FOXO3B: variants seen among roughly 807,000 people sequenced by gnomAD.
FOXO3B encodes the protein forkhead box O3B.
Under a neutral mutation model 21.9 loss-of-function variants are expected in FOXO3B, and 15 were observed. That is an observed-to-expected ratio of 0.68 (90% CI 0.46 to 1.05). FOXO3B has a LOEUF of 1.05. Among genes scored for constraint, FOXO3B ranks in the 50% least tolerant of loss-of-function variants. The pLI, the probability that FOXO3B is intolerant of heterozygous loss-of-function variation, is 0.00. For synonymous variants in FOXO3B, 135 were observed against 213.6 expected, an observed-to-expected ratio of 0.63 and a Z score of 3.21; for missense variants, 293 against 435.5, an observed-to-expected ratio of 0.67 and a Z score of 2.91.
At chr17:18,677,911 CAAAAAAAAAAA>C (rs57669387) in intron 3 of FOXO3B, among the ~76,000 whole-genome samples, 12 of 92,688 alleles carry the variant, frequency 1.3e-4, no homozygotes, top group African/African-American at 4.9e-4. Flanking sequence ...GTTGGAAAAG[CAAAAAAAAAAA>C]AAAAAAAAAA....
chr17:18,668,914 C>A lies in FOXO3B; in HGVS notation c.*3395G>T, dbSNP rs867300743. 6.6e-6 allele frequency: 1 copy of A among 152,146 alleles called. No homozygotes were observed. Among genetic ancestry groups the A allele is most frequent in the Non-Finnish European group, 1.5e-5 (1 of 68,010 alleles). The allele number at this position is 152,146 out of a possible 1,614,324, so 9.4% of individuals were successfully genotyped here. A position where few individuals can be genotyped will look rare whatever the true frequency, so the allele number is the denominator to read the frequency against. On this transcript the variant is annotated 3_prime_UTR_variant, in exon 4 of 4. Coordinates refer to ENST00000395675, the MANE Select transcript of FOXO3B (RefSeq NM_001368135.1). Reference sequence around the variant, plus strand: ...AAGTCTGGCTCACTGACAAGCAGACCATATGAATAGAATACATACTTTAAA... The same window carrying A: ...AAGTCTGGCTCACTGACAAGCAGACAATATGAATAGAATACATACTTTAAA...
intron 3 of FOXO3B, among the ~76,000 whole-genome samples, chr17:18,676,371 G>C (rs1597496454): frequency 6.6e-6 from 1 of 152,096 alleles, no homozygotes; most frequent in African/African-American, 2.4e-5. Context: ...ATCAAAAAAA[G>C]GATGATCACT....
Position 18,669,787 on chromosome 17 carries a change from A to T in FOXO3B, c.*2522T>A, listed in dbSNP as rs149369646. 1.6e-3 allele frequency among the ~76,000 whole-genome samples: 240 copies of T among 152,346 alleles called. 5 individuals are homozygous for T. In the East Asian group the frequency reaches 0.045, roughly 29 times the overall value. ...GATCAGATTATATAGCAAGGCTGAAAATAATCAAGGATGTGTATTTAGGAA... is the reference window on the plus strand; with the variant it reads ...GATCAGATTATATAGCAAGGCTGAATATAATCAAGGATGTGTATTTAGGAA... On this transcript the variant is annotated 3_prime_UTR_variant, in exon 4 of 4. Coordinates refer to ENST00000395675, the MANE Select transcript of FOXO3B (RefSeq NM_001368135.1).
chr17:18,680,083 C>T (rs138166587), intron 3 of FOXO3B, among the ~76,000 whole-genome samples: 510 of 152,298 alleles, frequency 3.3e-3, no homozygotes, highest in African/African-American at 0.012. Context: ...TAGTCATCTA[C>T]CTGCCTTGGC....
chr17:18,674,647 G>A (rs1012883722), intron 3 of FOXO3B, among the ~76,000 whole-genome samples: 1 of 145,928 alleles, frequency 6.9e-6, no homozygotes, highest in East Asian at 2.1e-4. Flanking sequence ...AAAGGGGGGG[G>A]GGAGATTACA....
In FOXO3B at chr17:18,672,981, G is replaced by T; in HGVS notation, c.201C>A (p.Ala67=). The part of the protein sequence containing the change: ...GVHVPPPLHP[A]PAREESARTP... ...TTCTCGCGCTCTCCTCTCGCGCCGG[G>T]GCGGGGTGCAGCGGGGGAGGGACGT... Residue 67 remains alanine, a synonymous_variant, in exon 4 of 4, where the codon GCC becomes GCA. Transcript: ENST00000395675. This position sits in a 1 kb window ranked among gnomAD's most constrained non-coding sequence, Gnocchi z 4.2. 2.7e-6 allele frequency: 4 copies of T among 1,482,224 alleles called. No homozygotes were observed. The highest frequency in any genetic ancestry group is 1.8e-6 in the Non-Finnish European group (2 of 1,122,226). 91.8% of individuals were successfully genotyped at this position (1,482,224 alleles called of 1,614,324 possible).
At position 18,672,715 on chromosome 17, in the gene FOXO3B, C is replaced by G; in HGVS notation, c.467G>C (p.Gly156Ala). The G allele has an allele frequency of 6.6e-7, 1 of 1,525,526 alleles. No individual in the cohort carries two copies. 94.5% of individuals were successfully genotyped at this position (1,525,526 alleles called of 1,614,324 possible). The change falls in exon 4 of 4, where the codon GGA (glycine) becomes GCA (alanine). Residue 156 changes from glycine (G) to alanine (A), a missense_variant. Coordinates refer to ENST00000395675, the MANE Select transcript of FOXO3B (RefSeq NM_001368135.1). This position sits in a 1 kb window ranked among gnomAD's most constrained non-coding sequence, Gnocchi z 4.2. The stretch of plus-strand genomic sequence containing the variant: ...GATCGCCATGGCCGAGCCGGCCCGT[C>G]CCCCGCCGTCCTCGTCGTCTTCATC... ...EDDEDDEDGG[G>A]RAGSAMAIGG... is the part of the protein sequence containing the mutation.
intron 3 of FOXO3B, 147 bp from the exon 4 acceptor site, chr17:18,673,202 T>G (rs1395330921): frequency 1.7e-6 from 2 of 1,169,904 alleles, no homozygotes; most frequent in Admixed American, 4.7e-5. Flanking sequence ...TTAATAACAC[T>G]TTTTGTTTAA....
At chr17:18,674,580 C>T (rs9910595) in intron 3 of FOXO3B, among the ~76,000 whole-genome samples, 1,588 of 144,296 alleles carry the variant, frequency 0.011, 34 homozygotes, top group African/African-American at 0.04. Context: ...GAGCCAAGAT[C>T]GCACCACTGC....
In FOXO3B at chr17:18,672,370, C is replaced by T. The variant is rs1456306414; in HGVS notation, c.812G>A (p.Trp271Ter). ...RRLTLSQIYE[W>*]MVSCVPYFKD... is the part of the protein sequence containing the mutation. ...GAAGTAGGGCACGCAACTCACCATC[C>T]ACTCGTAGATCTGGGACAGAGTGAG... The change falls in exon 4 of 4, where the codon TGG (tryptophan) becomes TAG (stop). Residue 271 changes from tryptophan (W) to a stop codon, truncating the protein, a stop_gained. Transcript: ENST00000395675. LOFTEE classifies it high-confidence loss of function. The surrounding 1 kb of genome is among the most constrained non-coding windows in gnomAD (Gnocchi z 4.2). 4.3e-6 allele frequency: 7 copies of T among 1,612,600 alleles called. No individual in the cohort carries two copies. In the African/African-American group the frequency reaches 8.0e-5, roughly 18 times the overall value.
chr17:18,682,185 A>G lies in FOXO3B; in HGVS notation c.-196+19T>C, dbSNP rs2032599842. The G allele has an allele frequency of 1.5e-6, 1 of 686,326 alleles. No individual in the cohort carries two copies. The highest frequency in any genetic ancestry group is 2.8e-5 in the East Asian group (1 of 36,332). The allele number at this position is 686,326 out of a possible 1,614,324, so 42.5% of individuals were successfully genotyped here. A position where few individuals can be genotyped will look rare whatever the true frequency, so the allele number is the denominator to read the frequency against. ...CCGAGGCCGAGCCGAGACGAGAGAC[A>G]TCACCACAAGCAACTCACCTCCCAT... On this transcript the variant is annotated intron_variant, in intron 1 of 3. Coordinates refer to ENST00000395675, the MANE Select transcript of FOXO3B (RefSeq NM_001368135.1).
Position 18,673,004 on chromosome 17 carries a change from C to G in FOXO3B, c.178G>C (p.Val60Leu). Residue 60 changes from valine (V) to leucine (L), a missense_variant, in exon 4 of 4, where the codon GTC (valine) becomes CTC (leucine). Val to Leu is a conservative substitution (Grantham distance 32). Transcript: ENST00000395675. ...GGGGCGGGGTGCAGCGGGGGAGGGA[C>G]GTGGACGCCGCGAAGGCTCCGGCTC... Reference protein sequence around the residue: ...PGSRSLRGVHVPPPLHPAPAR... With the variant: ...PGSRSLRGVHLPPPLHPAPAR... 1.4e-6 allele frequency: 2 copies of G among 1,465,508 alleles called. No individual in the cohort carries two copies. Among genetic ancestry groups the G allele is most frequent in the Non-Finnish European group, 1.8e-6 (2 of 1,115,450 alleles). 90.8% of individuals were successfully genotyped at this position (1,465,508 alleles called of 1,614,324 possible).
chr17:18,682,173 G>A lies in FOXO3B; in HGVS notation c.-196+31C>T, dbSNP rs963917104. On this transcript the variant is annotated intron_variant, in intron 1 of 3. Coordinates refer to ENST00000395675, the MANE Select transcript of FOXO3B (RefSeq NM_001368135.1). Reference sequence around the variant, plus strand: ...GGGGAACTACCGCCGAGGCCGAGCCGAGACGAGAGACATCACCACAAGCAA... The same window carrying A: ...GGGGAACTACCGCCGAGGCCGAGCCAAGACGAGAGACATCACCACAAGCAA... The A allele has an allele frequency of 1.2e-5, 8 of 683,912 alleles. 1 individual carries two copies. The South Asian group carries it at 1.2e-4, about 10-fold the overall frequency. 42.4% of individuals were successfully genotyped at this position (683,912 alleles called of 1,614,324 possible). A position where few individuals can be genotyped will look rare whatever the true frequency, so the allele number is the denominator to read the frequency against.
chr17:18,675,590 T>C (rs2032468440), intron 3 of FOXO3B, among the ~76,000 whole-genome samples: 1 of 152,100 alleles, frequency 6.6e-6, no homozygotes, highest in South Asian at 2.1e-4. Flanking sequence ...ATGAGCTATA[T>C]ATAATACTAA....
intron 3 of FOXO3B, among the ~76,000 whole-genome samples, chr17:18,676,679 TA>T (rs1180559110): frequency 6.6e-6 from 1 of 151,914 alleles, no homozygotes; most frequent in Non-Finnish European, 1.5e-5. Flanking sequence ...AGAAAGAGAA[TA>T]AAAGGGTTTC....
intron 3 of FOXO3B, among the ~76,000 whole-genome samples, chr17:18,675,214 A>G (rs2032461525): frequency 6.6e-6 from 1 of 151,496 alleles, no homozygotes; most frequent in South Asian, 2.1e-4. Context: ...AGGCAAATAT[A>G]TATGTAACCT....
chr17:18,677,559 G>A (rs2032513738), intron 3 of FOXO3B: 2 of 1,603,584 alleles, frequency 1.2e-6, no homozygotes, highest in South Asian at 1.1e-5. Flanking sequence ...GATCCACGGG[G>A]GCGCCGGCGG....
In FOXO3B at chr17:18,673,026, G is replaced by C; in HGVS notation, c.156C>G (p.Ser52Arg). 1 of 1,456,820 alleles carries C rather than the reference G, an allele frequency of 6.9e-7. No homozygotes were observed. The highest frequency in any genetic ancestry group is 2.5e-5 in the Admixed American group (1 of 40,732). 90.2% of individuals were successfully genotyped at this position (1,456,820 alleles called of 1,614,324 possible). The stretch of plus-strand genomic sequence containing the variant: ...GGACGTGGACGCCGCGAAGGCTCCG[G>C]CTCCCGGGCGCCGCCGCCGCCGCCG... ...QAAAAAAAPG[S>R]RSLRGVHVPP... is the part of the protein sequence containing the mutation. Residue 52 changes from serine to arginine, a missense_variant, in exon 4 of 4, where the codon AGC becomes AGG. Physicochemically the swap from Ser to Arg is moderately radical, Grantham distance 110. Transcript: ENST00000395675.
chr17:18,674,116 T>A (rs999374433), intron 3 of FOXO3B, among the ~76,000 whole-genome samples: 1 of 152,038 alleles, frequency 6.6e-6, no homozygotes, highest in Admixed American at 6.5e-5. Flanking sequence ...ATAGTTAAGA[T>A]GTTGAGAACA....
Sources: gnomAD v4.1 joint callset for allele counts (sites outside exome capture counted in the v4.1 genomes callset) on GRCh38, gnomAD v4.1.1 for gene constraint, Gnocchi (gnomAD v3.1) non-coding constraint, MANE v1.5 for transcripts, NCBI Gene and HGNC (gene_info 2026-07-23, HGNC 2026-07-21) for gene names.